The following ZNF33A variants were observed in gnomAD, a reference collection of about 807,000 sequenced individuals.
The protein encoded by ZNF33A is zinc finger protein 33A.
A neutral mutation model predicts 15.9 loss-of-function variants in ZNF33A; 9 were observed. That is an observed-to-expected ratio of 0.57 (90% CI 0.34 to 0.99). ZNF33A has a LOEUF of 0.99. Ranked by LOEUF, ZNF33A falls within the 50% of genes least tolerant of loss-of-function variation. The probability of loss-of-function intolerance (pLI) is 0.02; values close to 1 mark genes in which losing one functional copy is unlikely to be tolerated. For synonymous variants in ZNF33A, 294 were observed against 324.2 expected (o/e 0.91, Z 1.00); for missense variants, 843 against 941.6 (o/e 0.90, Z 1.37).
intron 2 of ZNF33A, among the ~76,000 whole-genome samples, chr10:38,015,471 A>G (rs2135541778): frequency 6.6e-6 from 1 of 152,164 alleles, no homozygotes; most frequent in South Asian, 2.1e-4. Context: ...GACACCCGCC[A>G]ACACGCCTGG....
intron 2 of ZNF33A, among the ~76,000 whole-genome samples, chr10:38,014,326 G>A (rs1312575571): frequency 5.9e-5 from 9 of 152,212 alleles, no homozygotes; most frequent in Admixed American, 3.3e-4. Flanking sequence ...GTGAGCCACC[G>A]TGCCTGGCCA....
At chr10:38,034,358 T>C (rs763586066) in intron 4 of ZNF33A, among the ~76,000 whole-genome samples, 2 of 152,196 alleles carry the variant, frequency 1.3e-5, no homozygotes, top group Non-Finnish European at 2.9e-5. Flanking sequence ...TCCCAGACTT[T>C]CCTTGTTTTG....
downstream of ZNF33A, among the ~76,000 whole-genome samples, chr10:38,063,774 C>G (rs1366432516): frequency 1.3e-5 from 2 of 152,204 alleles, no homozygotes; most frequent in African/African-American, 4.8e-5. Context: ...CAGGCTCACC[C>G]TGTGAACTCA....
chr10:38,054,698 G>T lies in ZNF33A; in HGVS notation c.574G>T (p.Glu192Ter), dbSNP rs2066372860. ...TGAAACTCATACTCAAGAGAAAAAT[G>T]AAGTTTTGAAAAATAGGAACACACT... ...HDETHTQEKN[E>*]VLKNRNTLSH... The change falls in exon 5 of 5, where the codon GAA becomes TAA. Residue 192 changes from glutamate to a stop codon, truncating the protein, a stop_gained. Coordinates refer to ENST00000432900, the MANE Select transcript of ZNF33A (RefSeq NM_006954.2). LOFTEE classifies it low-confidence loss of function (END_TRUNC). 2 of 1,613,584 alleles carry T rather than the reference G, an allele frequency of 1.2e-6. No homozygotes were observed. Among genetic ancestry groups the T allele is most frequent in the South Asian group, 2.2e-5 (2 of 90,990 alleles).
At chr10:38,041,020 T>C (rs547420377) in intron 4 of ZNF33A, among the ~76,000 whole-genome samples, 1 of 152,342 alleles carries the variant, frequency 6.6e-6, no homozygotes, top group South Asian at 2.1e-4. Flanking sequence ...AAGGAGCATC[T>C]GTAGTTGGTT....
At chr10:38,045,239 T>C (rs547199000) in intron 4 of ZNF33A, among the ~76,000 whole-genome samples, 2 of 152,306 alleles carry the variant, frequency 1.3e-5, no homozygotes, top group African/African-American at 4.8e-5. Context: ...TTCACTCCCA[T>C]TGGGTTCTCA....
intron 4 of ZNF33A, among the ~76,000 whole-genome samples, chr10:38,020,875 TG>T (rs1170838661): frequency 6.6e-6 from 1 of 152,240 alleles, no homozygotes; most frequent in African/African-American, 2.4e-5. Context: ...CTGGATCATA[TG>T]ATAGCTCTAT....
chr10:38,016,123 C>A, intron 2 of ZNF33A: 1 of 747,452 alleles, frequency 1.3e-6, no homozygotes. Context: ...AGGATTAGAA[C>A]CCAGAATATG....
At chr10:38,036,054 C>T (rs2065439364) in intron 4 of ZNF33A, among the ~76,000 whole-genome samples, 1 of 152,168 alleles carries the variant, frequency 6.6e-6, no homozygotes. Flanking sequence ...TAATATCCCT[C>T]ATAAATATAG....
chr10:38,012,425 GTTTTT>G (rs10716292), intron 2 of ZNF33A, 75 bp downstream of exon 2: 1,526 of 526,044 alleles, frequency 2.9e-3, no homozygotes, highest in East Asian at 4.0e-3. Flanking sequence ...TATGGTGTTT[GTTTTT>G]TTTTTTTTTT....
At chr10:38,061,386 G>C (rs2066652200), downstream of ZNF33A, among the ~76,000 whole-genome samples, 1 of 152,172 alleles carries the variant, frequency 6.6e-6, no homozygotes, top group Non-Finnish European at 1.5e-5. Flanking sequence ...GATGAGAAGA[G>C]AAAAGGATAC....
chr10:38,059,572 A>C lies in ZNF33A; in HGVS notation c.*3012A>C, dbSNP rs528860798. 1 of 152,310 alleles carries C rather than the reference A, an allele frequency of 6.6e-6. No individual in the cohort carries two copies. The highest frequency in any genetic ancestry group is 1.5e-5 in the Non-Finnish European group (1 of 68,024). The allele number at this position is 152,310 out of a possible 1,614,324, so 9.4% of individuals were successfully genotyped here. A position where few individuals can be genotyped will look rare whatever the true frequency, so the allele number is the denominator to read the frequency against. Reference sequence around the variant, plus strand: ...TCAAGTCATTAAAAGACACGGAGAAACCCTAAATGCTTATTGTTAAGTGAA... The same window carrying C: ...TCAAGTCATTAAAAGACACGGAGAACCCCTAAATGCTTATTGTTAAGTGAA... On this transcript the variant is annotated 3_prime_UTR_variant, in exon 5 of 5. Coordinates refer to ENST00000432900, the MANE Select transcript of ZNF33A (RefSeq NM_006954.2).
At position 38,012,446 on chromosome 10, in the gene ZNF33A, T is replaced by TG; in HGVS notation, c.9+96_9+97insG. ...GTTTGTTTTTTTTTTTTTTTTTTTTTTGTGAGACGGAGTCTCACTCTGTCA... is the reference window on the plus strand; with the variant it reads ...GTTTGTTTTTTTTTTTTTTTTTTTTTGTGTGAGACGGAGTCTCACTCTGTCA... On this transcript the variant is annotated intron_variant, in intron 2 of 4. Coordinates refer to ENST00000432900, the MANE Select transcript of ZNF33A (RefSeq NM_006954.2). The TG allele has an allele frequency of 1.2e-5, 16 of 1,334,176 alleles. No individual in the cohort carries two copies. In the African/African-American group the frequency reaches 1.7e-4, roughly 14 times the overall value. 82.6% of individuals were successfully genotyped at this position (1,334,176 alleles called of 1,614,324 possible).
downstream of ZNF33A, among the ~76,000 whole-genome samples, chr10:38,061,244 C>G (rs780258071): frequency 6.6e-6 from 1 of 152,138 alleles, no homozygotes; most frequent in Non-Finnish European, 1.5e-5. Context: ...AGTTGCCTAA[C>G]AAGGCATTCA....
intron 4 of ZNF33A, among the ~76,000 whole-genome samples, chr10:38,033,389 A>G (rs911907125): frequency 1.3e-5 from 2 of 152,142 alleles, no homozygotes; most frequent in African/African-American, 4.8e-5. Context: ...CTACTTCTTG[A>G]CTATTATGAA....
chr10:38,038,177 G>C (rs934532682), intron 4 of ZNF33A, among the ~76,000 whole-genome samples: 3 of 152,136 alleles, frequency 2.0e-5, no homozygotes, highest in African/African-American at 7.2e-5. Flanking sequence ...TTACTGCCCA[G>C]GGTGGAGTGC....
At chr10:38,051,896 T>C (rs2066225867) in intron 4 of ZNF33A, among the ~76,000 whole-genome samples, 1 of 152,124 alleles carries the variant, frequency 6.6e-6, no homozygotes, top group South Asian at 2.1e-4. Context: ...ACCATTTCAA[T>C]ATATGCAGAC....
At chr10:38,023,873 C>A (rs1213546263) in intron 4 of ZNF33A, among the ~76,000 whole-genome samples, 1 of 151,930 alleles carries the variant, frequency 6.6e-6, no homozygotes, top group Non-Finnish European at 1.5e-5. Flanking sequence ...AGAAAAAAAC[C>A]TCAGGCCAGG....
At chr10:38,036,910 T>A (rs1252563265) in intron 4 of ZNF33A, among the ~76,000 whole-genome samples, 1 of 152,248 alleles carries the variant, frequency 6.6e-6, no homozygotes, top group East Asian at 1.9e-4. Context: ...TCAGTTCCTT[T>A]TTTCATTATG....
Sources: allele counts gnomAD v4.1 joint callset (sites outside exome capture counted in the v4.1 genomes callset), GRCh38; gene constraint gnomAD v4.1.1; transcripts MANE v1.5; gene names NCBI Gene and HGNC (gene_info 2026-07-23, HGNC 2026-07-21).